UMAD1: variants seen among roughly 807,000 people sequenced by gnomAD.
UMAD1 encodes the protein UBAP1-MVB12-associated (UMA)-domain containing protein 1.
UMAD1 carries 8 observed loss-of-function variants against 6.1 expected under a neutral mutation model. The ratio of observed to expected loss-of-function variants is 1.30; its 90% CI spans 0.76 to 2.35. The LOEUF (loss-of-function observed/expected upper bound fraction) is 2.35. Among genes scored for constraint, UMAD1 ranks in the 30% most tolerant of loss-of-function variants. The probability of loss-of-function intolerance (pLI) is 0.00; values close to 1 mark genes in which losing one functional copy is unlikely to be tolerated. For missense variants in UMAD1, 130 were observed against 78.4 expected, an observed-to-expected ratio of 1.66 and a Z score of -2.49; for synonymous variants, 56 against 31.4, an observed-to-expected ratio of 1.78 and a Z score of -2.61.
At chr7:7,838,446 C>A (rs898350494) in intron 3 of UMAD1, among the ~76,000 whole-genome samples, 1 of 152,192 alleles carries the variant, frequency 6.6e-6, no homozygotes, top group Admixed American at 6.5e-5. Context: ...CATACAGGAC[C>A]ATAGAGCAAA....
intron 1 of UMAD1, among the ~76,000 whole-genome samples, chr7:7,669,850 C>T (rs1335768477): frequency 6.6e-6 from 1 of 152,172 alleles, no homozygotes; most frequent in Admixed American, 6.5e-5. Flanking sequence ...TAGTCTCTGC[C>T]TCCTTTGCCT....
At chr7:7,664,300 C>T (rs1057121461) in intron 1 of UMAD1, among the ~76,000 whole-genome samples, 3 of 152,236 alleles carry the variant, frequency 2.0e-5, no homozygotes, top group African/African-American at 2.4e-5. Flanking sequence ...AATCCAGTCC[C>T]GTTTCAGTAC....
At chr7:7,729,804 C>T (rs1294211225) in intron 2 of UMAD1, among the ~76,000 whole-genome samples, 1 of 152,192 alleles carries the variant, frequency 6.6e-6, no homozygotes, top group Non-Finnish European at 1.5e-5. Context: ...TATAATCACA[C>T]AGAGCAGTGC....
intron 3 of UMAD1, among the ~76,000 whole-genome samples, chr7:7,833,550 A>G (rs1294100045): frequency 6.6e-6 from 1 of 152,170 alleles, no homozygotes; most frequent in Non-Finnish European, 1.5e-5. Flanking sequence ...ACTGGGAAGA[A>G]AGAGGTAAGT....
At chr7:7,691,678 G>C (rs10240471) in intron 2 of UMAD1, among the ~76,000 whole-genome samples, 51,358 of 152,052 alleles carry the variant, frequency 0.34, 8,774 homozygotes, top group Middle Eastern at 0.37. Context: ...CTTAGAAAGA[G>C]CTTTACATTT....
At chr7:7,815,300 C>G (rs1184257142) in intron 3 of UMAD1, among the ~76,000 whole-genome samples, 2 of 151,924 alleles carry the variant, frequency 1.3e-5, no homozygotes, top group Non-Finnish European at 2.9e-5. Context: ...ATTTGTATGT[C>G]TATATACACA....
At chr7:7,848,893 A>T (rs1783860234) in intron 3 of UMAD1, among the ~76,000 whole-genome samples, 1 of 152,178 alleles carries the variant, frequency 6.6e-6, no homozygotes. Flanking sequence ...ATTTGCAAGG[A>T]TAACAATACA....
At chr7:7,675,289 C>T (rs755873499) in intron 2 of UMAD1, among the ~76,000 whole-genome samples, 2 of 152,178 alleles carry the variant, frequency 1.3e-5, no homozygotes, top group Non-Finnish European at 2.9e-5. Flanking sequence ...AATGCTGGAC[C>T]TTAAACTTTT....
rs1480595152 is a variant in UMAD1, at chr7:7,847,097, AAAAAAAAATATATATATAT to A, written c.157-30182_157-30164del. On this transcript the variant is annotated intron_variant, in intron 3 of 3. Coordinates refer to ENST00000682710, the MANE Select transcript of UMAD1 (RefSeq NM_001302348.2). ...AAAAAGACAGCAATGCAAAAAAAAA[AAAAAAAAATATATATATAT>A]ATATATATATATATATATATATATA... Among the ~76,000 whole-genome samples the A allele has an allele frequency of 2.7e-4, 13 of 48,856 alleles. 2 individuals are homozygous for A. The highest frequency in any genetic ancestry group is 1.8e-3 in the African/African-American group (12 of 6,612). The allele number at this position is 48,856 out of a possible 152,430, so 32.1% of individuals were successfully genotyped here. A position where few individuals can be genotyped will look rare whatever the true frequency, so the allele number is the denominator to read the frequency against.
At chr7:7,671,356 C>A (rs1779601176) in intron 1 of UMAD1, among the ~76,000 whole-genome samples, 1 of 152,202 alleles carries the variant, frequency 6.6e-6, no homozygotes, top group African/African-American at 2.4e-5. Context: ...TGGAGACCCA[C>A]ACCCTTAGTC....
At chr7:7,774,856 C>T (rs1221996006) in intron 2 of UMAD1, among the ~76,000 whole-genome samples, 1 of 152,148 alleles carries the variant, frequency 6.6e-6, no homozygotes, top group Non-Finnish European at 1.5e-5. Flanking sequence ...TTTCCCTGGC[C>T]ACCATCTCAA....
chr7:7,789,709 C>T (rs1473200770), intron 2 of UMAD1, among the ~76,000 whole-genome samples: 1 of 151,716 alleles, frequency 6.6e-6, no homozygotes, highest in Non-Finnish European at 1.5e-5. Context: ...TAGCATCATA[C>T]AGTATTTGTC....
chr7:7,825,001 TGG>T (rs1783312721), intron 3 of UMAD1, among the ~76,000 whole-genome samples: 1 of 152,142 alleles, frequency 6.6e-6, no homozygotes, highest in Non-Finnish European at 1.5e-5. Context: ...GGGGTGGTCA[TGG>T]GTAGCATTAT....
chr7:7,875,227 G>A lies in UMAD1; in HGVS notation c.157-2054G>A, dbSNP rs377221717. On this transcript the variant is annotated intron_variant, in intron 3 of 3. Coordinates refer to ENST00000682710, the MANE Select transcript of UMAD1 (RefSeq NM_001302348.2). ...GAAATTTATAGCACTAAATGCCCAC[G>A]GGAGAAAGCAGGAAAGATCTAAAAT... 2.9e-3 allele frequency among the ~76,000 whole-genome samples: 443 copies of A among 152,178 alleles called. 1 individual carries two copies. Among genetic ancestry groups the A allele is most frequent in the Non-Finnish European group, 4.6e-3 (313 of 68,006 alleles).
rs571961027 is a variant in UMAD1, at chr7:7,830,328, G to C, written c.156+28585G>C. 6.6e-6 allele frequency among the ~76,000 whole-genome samples: 1 copy of C among 152,068 alleles called. No homozygotes were observed. The highest frequency in any genetic ancestry group is 1.5e-5 in the Non-Finnish European group (1 of 68,016). On this transcript the variant is annotated intron_variant, in intron 3 of 3. Transcript: ENST00000682710. The surrounding 1 kb of genome is among the most constrained non-coding windows in gnomAD (Gnocchi z 5.3). ...AGCAGCTGCTCTGGAGGTTAGCCCTGCCCTTCATTTCCAGCCTAGAATGTG... is the reference window on the plus strand; with the variant it reads ...AGCAGCTGCTCTGGAGGTTAGCCCTCCCCTTCATTTCCAGCCTAGAATGTG...
intron 3 of UMAD1, among the ~76,000 whole-genome samples, chr7:7,848,484 C>G (rs180791865): frequency 9.2e-5 from 14 of 152,160 alleles, no homozygotes; most frequent in Admixed American, 2.0e-4. Flanking sequence ...TACTCGATAC[C>G]AAAGATAGTA....
intron 2 of UMAD1, among the ~76,000 whole-genome samples, chr7:7,747,173 A>T (rs1398705397): frequency 2.6e-5 from 4 of 152,206 alleles, no homozygotes; most frequent in Non-Finnish European, 4.4e-5. Context: ...AATAATAGGG[A>T]AGGAATAAAT....
intron 1 of UMAD1, among the ~76,000 whole-genome samples, chr7:7,666,677 T>G (rs1420933628): frequency 6.6e-6 from 1 of 152,162 alleles, no homozygotes; most frequent in Non-Finnish European, 1.5e-5. Context: ...TTTGCCCGGT[T>G]TTTATTGAGC....
chr7:7,641,840 C>T (rs1369762174), intron 1 of UMAD1: 1 of 152,190 alleles, frequency 6.6e-6, no homozygotes, highest in African/African-American at 2.4e-5. Context: ...TTTGAGACTT[C>T]ACGTGGCAAT....
Sources: gnomAD v4.1 joint callset for allele counts (sites outside exome capture counted in the v4.1 genomes callset) on GRCh38, gnomAD v4.1.1 for gene constraint, Gnocchi (gnomAD v3.1) non-coding constraint, MANE v1.5 for transcripts, NCBI Gene and HGNC (gene_info 2026-07-23, HGNC 2026-07-21) for gene names.